The following AMY2B variants were observed in gnomAD, a reference collection of about 807,000 sequenced individuals.
AMY2B encodes amylase alpha 2B.
Under a neutral mutation model 59.3 loss-of-function variants are expected in AMY2B, and 63 were observed. That is an observed-to-expected ratio of 1.06 (90% CI 0.87 to 1.31). The LOEUF (loss-of-function observed/expected upper bound fraction) is 1.31. Ranked by LOEUF, AMY2B falls within the 50% of genes most tolerant of loss-of-function variation. AMY2B has a pLI of 0.00. For missense variants in AMY2B, 635 were observed against 626.7 expected (o/e 1.01, Z -0.14); for synonymous variants, 180 against 198.1 (o/e 0.91, Z 0.77).
At position 103,577,774 on chromosome 1, in the gene AMY2B, T is replaced by G; in HGVS notation, c.1275T>G (p.Tyr425Ter). Residue 425 changes from tyrosine (Y) to a stop codon, truncating the protein, a stop_gained, in exon 9 of 10, where the codon TAT becomes TAG. Transcript: ENST00000684275. LOFTEE classifies it high-confidence loss of function. ...ATGGCCAGCCTTTTACAAACTGGTA[T>G]GATAATGGGAGCAACCAAGTGGCTT... ...VVDGQPFTNW[Y>*]DNGSNQVAFG... 1 of 1,608,852 alleles carries G rather than the reference T, an allele frequency of 6.2e-7. No individual in the cohort carries two copies. The highest frequency in any genetic ancestry group is 8.5e-7 in the Non-Finnish European group (1 of 1,179,766).
At chr1:103,558,595 A>G (rs762317538) in intron 1 of AMY2B, among the ~76,000 whole-genome samples, 3 of 152,090 alleles carry the variant, frequency 2.0e-5, no homozygotes, top group Non-Finnish European at 2.9e-5. Flanking sequence ...TTTGTAAACA[A>G]CAACAACAAA....
upstream of AMY2B, chr1:103,570,299 T>C (rs1252699690): frequency 2.7e-5 from 16 of 596,426 alleles, no homozygotes; most frequent in Non-Finnish European, 5.3e-5. Context: ...GTCATCACCA[T>C]CGGCAATGAG....
chr1:103,576,009 G>A (rs1652339046), intron 7 of AMY2B, among the ~76,000 whole-genome samples: 1 of 152,124 alleles, frequency 6.6e-6, no homozygotes, highest in South Asian at 2.1e-4. Context: ...ATAGGGAAAA[G>A]TATCTAATAA....
At chr1:103,557,737 G>A (rs1258003908) in intron 1 of AMY2B, among the ~76,000 whole-genome samples, 8 of 151,848 alleles carry the variant, frequency 5.3e-5, no homozygotes, top group Non-Finnish European at 8.8e-5. Flanking sequence ...CGTGATCTTT[G>A]AATATCCAAA....
intron 5 of AMY2B, among the ~76,000 whole-genome samples, 163 bp from the exon 6 acceptor site, chr1:103,575,060 G>GTATATA (rs59615316): frequency 3.5e-5 from 5 of 143,652 alleles, no homozygotes; most frequent in South Asian, 4.5e-4. Context: ...GTGTGTGTAT[G>GTATATA]TATATATATA....
upstream of AMY2B, chr1:103,570,229 A>G: frequency 7.6e-6 from 4 of 524,488 alleles, no homozygotes; most frequent in Admixed American, 4.2e-5. Context: ...TGAGCAGTAG[A>G]TGGCCACTGC....
At chr1:103,579,082 A>AT (rs1477583693) in intron 9 of AMY2B, among the ~76,000 whole-genome samples, 1 of 152,148 alleles carries the variant, frequency 6.6e-6, no homozygotes, top group Non-Finnish European at 1.5e-5. Flanking sequence ...TTCAACTTTG[A>AT]TTTTTTGGTA....
upstream of AMY2B, chr1:103,569,396 TTGTGTGTGTGTGTG>T (rs58457409): frequency 1.1e-4 from 16 of 151,096 alleles, no homozygotes; most frequent in South Asian, 3.5e-4. Flanking sequence ...TTATGTGGGT[TTGTGTGTGTGTGTG>T]TGTGTGTGTG....
chr1:103,560,426 T>C (rs1651697838), intron 1 of AMY2B, among the ~76,000 whole-genome samples: 1 of 152,172 alleles, frequency 6.6e-6, no homozygotes, highest in South Asian at 2.1e-4. Flanking sequence ...ATTTACATCA[T>C]TTATTTGGTT....
chr1:103,570,098 A>G (rs1570643743), upstream of AMY2B: 1 of 438,082 alleles, frequency 2.3e-6, no homozygotes, highest in East Asian at 5.5e-5. Flanking sequence ...CTGGCTGGCC[A>G]GGACCTGACC....
At chr1:103,556,432 A>G (rs1338190942) in intron 1 of AMY2B, among the ~76,000 whole-genome samples, 1 of 152,176 alleles carries the variant, frequency 6.6e-6, no homozygotes, top group Non-Finnish European at 1.5e-5. Context: ...GAGACAGTGG[A>G]AAATGGTATC....
chr1:103,572,096 T>G lies in AMY2B; in HGVS notation c.169-14T>G. The G allele has an allele frequency of 5.0e-6, 8 of 1,611,688 alleles. No individual in the cohort carries two copies. Among genetic ancestry groups the G allele is most frequent in the Non-Finnish European group, 6.8e-6 (8 of 1,179,668 alleles). ...GTAAGAATTTGGTAGTTATGAAGAC[T>G]GTTTAATTTGTAGGTCTCTCCACCA... is the stretch of plus-strand genomic sequence containing the variant. On this transcript the variant is annotated splice_polypyrimidine_tract_variant and intron_variant, in intron 1 of 9. Transcript: ENST00000684275.
rs757625510 is a variant in AMY2B, at chr1:103,579,456, G to A, written c.1492G>A (p.Ala498Thr). ...AGCTCATTTTTCTATTAGTAACTCTGCTGAGGATCCATTTATTGCAATTCA... is the reference window on the plus strand; with the variant it reads ...AGCTCATTTTTCTATTAGTAACTCTACTGAGGATCCATTTATTGCAATTCA... ...GKAHFSISNS[A>T]EDPFIAIHAE... The change falls in exon 10 of 10, where the codon GCT (alanine) becomes ACT (threonine). Residue 498 changes from alanine to threonine, a missense_variant. Coordinates refer to ENST00000684275, the MANE Select transcript of AMY2B (RefSeq NM_001387437.1). 2.5e-6 allele frequency: 4 copies of A among 1,611,676 alleles called. No individual in the cohort carries two copies. Among genetic ancestry groups the A allele is most frequent in the South Asian group, 1.1e-5 (1 of 90,962 alleles).
intron 1 of AMY2B, among the ~76,000 whole-genome samples, chr1:103,560,925 G>T (rs1238616503): frequency 2.0e-5 from 3 of 152,052 alleles, no homozygotes; most frequent in Non-Finnish European, 4.4e-5. Flanking sequence ...TCTTGGCTTT[G>T]AAATTCAGTC....
At chr1:103,572,384 C>T (rs1277722618) in intron 2 of AMY2B, 128 bp downstream of exon 2, 2 of 1,464,250 alleles carry the variant, frequency 1.4e-6, no homozygotes, top group Non-Finnish European at 1.8e-6. Context: ...TACTTTAAAA[C>T]TCAAAATTAA....
chr1:103,571,903 A>T (rs542200813), intron 1 of AMY2B, 133 bp downstream of exon 1: 1 of 1,582,794 alleles, frequency 6.3e-7, no homozygotes, highest in East Asian at 2.2e-5. Flanking sequence ...TTCTGAGGAA[A>T]AAACAATGTA....
intron 1 of AMY2B, among the ~76,000 whole-genome samples, chr1:103,558,534 C>CA (rs916299206): frequency 7.9e-4 from 119 of 151,158 alleles, no homozygotes; most frequent in African/African-American, 2.6e-3. Context: ...AGTAATATTT[C>CA]AAAAAAAAGT....
intron 7 of AMY2B, among the ~76,000 whole-genome samples, chr1:103,576,728 A>T (rs1652370617): frequency 1.3e-5 from 2 of 152,234 alleles, no homozygotes; most frequent in Admixed American, 1.3e-4. Context: ...AGCACATGTC[A>T]CGTTCAAGGC....
At chr1:103,556,006 G>C (rs1651535680) in intron 1 of AMY2B, among the ~76,000 whole-genome samples, 2 of 152,124 alleles carry the variant, frequency 1.3e-5, no homozygotes, top group Non-Finnish European at 2.9e-5. Flanking sequence ...ATGAAGGGCA[G>C]ATTATGGAGT....
Sources: allele counts gnomAD v4.1 joint callset (sites outside exome capture counted in the v4.1 genomes callset), GRCh38; gene constraint gnomAD v4.1.1; transcripts MANE v1.5; gene names NCBI Gene and HGNC (gene_info 2026-07-23, HGNC 2026-07-21).